Variants in INTU observed in about 807,000 individuals in gnomAD.
INTU encodes protein inturned.
INTU carries 68 observed loss-of-function variants against 100.5 expected under a neutral mutation model. The ratio of observed to expected loss-of-function variants is 0.68; its 90% CI spans 0.56 to 0.83. The LOEUF (loss-of-function observed/expected upper bound fraction) is 0.83. Ranked by LOEUF, INTU falls within the 40% of genes least tolerant of loss-of-function variation. The pLI, the probability that INTU is intolerant of heterozygous loss-of-function variation, is 0.00. For synonymous variants in INTU, 357 were observed against 395.7 expected, an observed-to-expected ratio of 0.90 and a Z score of 1.16; for missense variants, 1,071 against 1,114.7, an observed-to-expected ratio of 0.96 and a Z score of 0.56.
At chr4:127,653,747 G>T (rs1728028194) in intron 2 of INTU, among the ~76,000 whole-genome samples, 1 of 151,030 alleles carries the variant, frequency 6.6e-6, no homozygotes, top group South Asian at 2.1e-4. Context: ...TCCACTTGGT[G>T]CAGAGCTGAG....
chr4:127,665,681 A>G (rs956132605), intron 4 of INTU, among the ~76,000 whole-genome samples: 2 of 152,048 alleles, frequency 1.3e-5, no homozygotes, highest in African/African-American at 4.8e-5. Flanking sequence ...TAGTGTTCCT[A>G]TTATTCCCAA....
chr4:127,672,122 A>G (rs1271327492), intron 5 of INTU, among the ~76,000 whole-genome samples: 1 of 152,172 alleles, frequency 6.6e-6, no homozygotes, highest in Non-Finnish European at 1.5e-5. Flanking sequence ...TTAAAACTGT[A>G]CTTGTACTCC....
At chr4:127,633,633 T>C (rs1409394020) in intron 1 of INTU, among the ~76,000 whole-genome samples, 1 of 152,172 alleles carries the variant, frequency 6.6e-6, no homozygotes, top group Non-Finnish European at 1.5e-5. Context: ...TTTTCTGTTA[T>C]GGAAATGAAT....
At chr4:127,637,311 A>G (rs1227987624) in intron 1 of INTU, among the ~76,000 whole-genome samples, 1 of 152,204 alleles carries the variant, frequency 6.6e-6, no homozygotes. Flanking sequence ...TACTCTACTC[A>G]AAAGTTTGGT....
chr4:127,723,258 G>C lies in INTU; in HGVS notation c.*6822G>C, dbSNP rs1469249407. ...CTCCGTGGGTCATGCCAGCCACCTA[G>C]CAGTCCCAATAAGAGAACTTCAGTA... On this transcript the variant is annotated 3_prime_UTR_variant, in exon 16 of 16. Transcript: ENST00000335251. 6.6e-6 allele frequency: 1 copy of C among 151,882 alleles called. No individual in the cohort carries two copies. Among genetic ancestry groups the C allele is most frequent in the Non-Finnish European group, 1.5e-5 (1 of 68,028 alleles). The allele number at this position is 151,882 out of a possible 1,614,324, so 9.4% of individuals were successfully genotyped here. A position where few individuals can be genotyped will look rare whatever the true frequency, so the allele number is the denominator to read the frequency against.
At chr4:127,685,268 T>C (rs1729763623) in intron 7 of INTU, among the ~76,000 whole-genome samples, 1 of 152,136 alleles carries the variant, frequency 6.6e-6, no homozygotes, top group South Asian at 2.1e-4. Context: ...TCGATTTTTC[T>C]CTTAGTGACT....
chr4:127,717,453 G>A lies in INTU; in HGVS notation c.*1017G>A, dbSNP rs1210061758. ...AAATAGTGCTTCAATGAACATATGT[G>A]TGCATATATATTTGTAATTGAATGA... On this transcript the variant is annotated 3_prime_UTR_variant, in exon 16 of 16. Transcript: ENST00000335251. The A allele has an allele frequency of 6.6e-6, 1 of 152,154 alleles. No homozygotes were observed. The highest frequency in any genetic ancestry group is 1.9e-4 in the East Asian group (1 of 5,196). The allele number at this position is 152,154 out of a possible 1,614,324, so 9.4% of individuals were successfully genotyped here.
intron 14 of INTU, 90 bp downstream of exon 14, chr4:127,711,192 T>G (rs1233101291): frequency 1.0e-6 from 1 of 1,002,324 alleles, no homozygotes; most frequent in Non-Finnish European, 1.4e-6. Context: ...CCAGCATTGT[T>G]TTCATTTCAT....
Position 127,663,399 on chromosome 4 carries a change from AATGCATATG to A in INTU, c.791_799del (p.Ala264_Asp266del). 6.2e-7 allele frequency: 1 copy of A among 1,612,652 alleles called. No individual in the cohort carries two copies. The highest frequency in any genetic ancestry group is 8.5e-7 in the Non-Finnish European group (1 of 1,179,082). On this transcript the variant is annotated inframe_deletion, in exon 4 of 16. Transcript: ENST00000335251. ...TTTAAAGGTGAAACTGACATTTGAA[AATGCATATG>A]ATGTGAAAAGGGAGACGTCCCATCC...
At chr4:127,669,255 A>G in intron 5 of INTU, 101 bp downstream of exon 5, 1 of 583,884 alleles carries the variant, frequency 1.7e-6, no homozygotes, top group Non-Finnish European at 3.1e-6. Flanking sequence ...ATATACTTGT[A>G]TCTACAATGT....
At chr4:127,686,607 A>G (rs1441056952) in intron 7 of INTU, 3 of 152,182 alleles carry the variant, frequency 2.0e-5, no homozygotes, top group Non-Finnish European at 4.4e-5. Context: ...ATCAGCTCAA[A>G]TGCCCTTTCT....
intron 2 of INTU, among the ~76,000 whole-genome samples, chr4:127,651,573 T>C (rs1727879529): frequency 1.3e-5 from 2 of 152,222 alleles, no homozygotes; most frequent in South Asian, 4.1e-4. Flanking sequence ...GTTCCATTGA[T>C]CTATATCTCT....
At chr4:127,633,703 A>C (rs956442366) in intron 1 of INTU, among the ~76,000 whole-genome samples, 10 of 152,136 alleles carry the variant, frequency 6.6e-5, no homozygotes, top group African/African-American at 2.4e-4. Context: ...ACCTCTCAGC[A>C]CTTCTGGATA....
rs1731410634 is a variant in INTU, at chr4:127,725,935, G to A, written c.*9499G>A. ...AGTGCCTGTTACTTTATTAAATAAA[G>A]GGGGACAGGATGACAGTGCAGATAT... is the stretch of plus-strand genomic sequence containing the variant. On this transcript the variant is annotated 3_prime_UTR_variant, in exon 16 of 16. Coordinates refer to ENST00000335251, the MANE Select transcript of INTU (RefSeq NM_015693.4). 6.6e-6 allele frequency: 1 copy of A among 152,054 alleles called. No individual in the cohort carries two copies. Among genetic ancestry groups the A allele is most frequent in the African/African-American group, 2.4e-5 (1 of 41,416 alleles). 9.4% of individuals were successfully genotyped at this position (152,054 alleles called of 1,614,324 possible).
chr4:127,690,595 A>G (rs1730071753), intron 8 of INTU, among the ~76,000 whole-genome samples: 1 of 152,220 alleles, frequency 6.6e-6, no homozygotes, highest in Admixed American at 6.5e-5. Context: ...TTGGGAAGAG[A>G]GCTAGATACC....
intron 1 of INTU, among the ~76,000 whole-genome samples, chr4:127,634,368 A>G (rs1726975414): frequency 6.6e-6 from 1 of 152,214 alleles, no homozygotes; most frequent in African/African-American, 2.4e-5. Flanking sequence ...GCTTCTCCAC[A>G]TTTTAGAGTC....
At chr4:127,671,552 G>A (rs1284295415) in intron 5 of INTU, among the ~76,000 whole-genome samples, 2 of 152,018 alleles carry the variant, frequency 1.3e-5, no homozygotes, top group Admixed American at 6.6e-5. Flanking sequence ...AAAACAGTAT[G>A]GAGATTTCTC....
At chr4:127,701,208 A>G (rs1389635854) in intron 9 of INTU, among the ~76,000 whole-genome samples, 6 of 152,164 alleles carry the variant, frequency 3.9e-5, no homozygotes, top group Admixed American at 3.9e-4. Context: ...TTTTTGGAAG[A>G]GGGGTTGCAG....
chr4:127,638,884 T>C (rs1157572612), intron 1 of INTU, among the ~76,000 whole-genome samples: 1 of 152,202 alleles, frequency 6.6e-6, no homozygotes, highest in Non-Finnish European at 1.5e-5. Flanking sequence ...TATAAGGTCT[T>C]AGAAAATTTT....
Sources: allele counts gnomAD v4.1 joint callset (sites outside exome capture counted in the v4.1 genomes callset), GRCh38; gene constraint gnomAD v4.1.1; transcripts MANE v1.5; gene names NCBI Gene and HGNC (gene_info 2026-07-23, HGNC 2026-07-21).